Variants in NRG1 observed in about 807,000 individuals in gnomAD.
NRG1 encodes the protein pro-neuregulin-1, membrane-bound isoform.
In NRG1, 18 loss-of-function variants were observed where a neutral mutation model predicts 63.8. The observed-to-expected ratio is 0.28, with a 90% CI of 0.19 to 0.42. NRG1 has a LOEUF of 0.42. Ranked by LOEUF, NRG1 falls within the 10% of genes least tolerant of loss-of-function variation. The probability of loss-of-function intolerance (pLI) is 1.00; values close to 1 mark genes in which losing one functional copy is unlikely to be tolerated. For missense variants in NRG1, 762 were observed against 814.7 expected (o/e 0.94, Z 0.79); for synonymous variants, 302 against 301.3 (o/e 1.00, Z -0.02).
intron 1 of NRG1, among the ~76,000 whole-genome samples, chr8:31,704,930 A>G (rs904784320): frequency 6.6e-6 from 1 of 151,948 alleles, no homozygotes; most frequent in Non-Finnish European, 1.5e-5. Context: ...ATACATACAT[A>G]TTTCTAATTC....
chr8:32,048,436 T>C (rs1313162775), intron 1 of NRG1, among the ~76,000 whole-genome samples: 2 of 8,088 alleles, frequency 2.5e-4, no homozygotes, highest in African/African-American at 4.1e-4. Context: ...TATGTACACA[T>C]ATATACATAC....
At chr8:32,018,506 C>T (rs1815921010) in intron 1 of NRG1, among the ~76,000 whole-genome samples, 1 of 152,076 alleles carries the variant, frequency 6.6e-6, no homozygotes, top group Non-Finnish European at 1.5e-5. Context: ...GTTTATGAGC[C>T]AAAAATAGAT....
chr8:32,344,373 TC>T (rs1563338143), intron 1 of NRG1, among the ~76,000 whole-genome samples: 3 of 32,946 alleles, frequency 9.1e-5, no homozygotes, highest in Non-Finnish European at 2.0e-4. Context: ...TTTCTTTCTT[TC>T]TTTCTTTCTC....
At chr8:31,851,102 G>C (rs1827169760) in intron 1 of NRG1, among the ~76,000 whole-genome samples, 1 of 152,196 alleles carries the variant, frequency 6.6e-6, no homozygotes, top group Non-Finnish European at 1.5e-5. Flanking sequence ...TAGGACATCT[G>C]TGGAGATTAA....
At chr8:32,602,610 T>C (rs1844573419) in intron 2 of NRG1, among the ~76,000 whole-genome samples, 1 of 152,158 alleles carries the variant, frequency 6.6e-6, no homozygotes, top group South Asian at 2.1e-4. Flanking sequence ...TAAGAAAAGC[T>C]ACAGTTTTCT....
Position 31,692,246 on chromosome 8 carries a change from A to G in NRG1, c.37+52815A>G, listed in dbSNP as rs1052748932. On this transcript the variant is annotated intron_variant, in intron 1 of 10. Transcript: ENST00000519301. Reference sequence around the variant, plus strand: ...CATAATGAGTCATAGAAGAATTTCTAAAGTCAACTTGGTAAAATGTACTGA... The same window carrying G: ...CATAATGAGTCATAGAAGAATTTCTGAAGTCAACTTGGTAAAATGTACTGA... 5.3e-5 allele frequency among the ~76,000 whole-genome samples: 8 copies of G among 152,354 alleles called. No individual in the cohort carries two copies. In the South Asian group the frequency reaches 1.2e-3, roughly 24 times the overall value.
At chr8:32,239,974 C>G (rs1274369286) in intron 1 of NRG1, among the ~76,000 whole-genome samples, 1 of 152,132 alleles carries the variant, frequency 6.6e-6, no homozygotes, top group Non-Finnish European at 1.5e-5. Context: ...TAAAATGGTA[C>G]ACTCTGTAAA....
exon 10 of NRG1, chr8:32,759,375 A>G: frequency 1.2e-6 from 2 of 1,613,920 alleles, no homozygotes; most frequent in Non-Finnish European, 1.7e-6. Flanking sequence ...ATCCTTTTCC[A>G]CCAGTCACTA....
chr8:32,458,145 T>C (rs1266604265), intron 1 of NRG1, among the ~76,000 whole-genome samples: 2 of 152,074 alleles, frequency 1.3e-5, no homozygotes, highest in South Asian at 4.1e-4. Context: ...CTCGATCTCT[T>C]GACTTCGTGA....
intron 1 of NRG1, among the ~76,000 whole-genome samples, chr8:32,386,822 C>A (rs1436017441): frequency 1.3e-5 from 2 of 152,144 alleles, no homozygotes; most frequent in African/African-American, 4.8e-5. Flanking sequence ...ATGCAGATAC[C>A]AAATTTTACA....
chr8:31,926,914 C>T (rs999939672), intron 1 of NRG1, among the ~76,000 whole-genome samples: 1 of 152,174 alleles, frequency 6.6e-6, no homozygotes. Context: ...TTCCAGTAAC[C>T]TGACCACTCT....
intron 6 of NRG1, 112 bp downstream of exon 6, chr8:32,728,190 A>G (rs1290599976): frequency 6.5e-7 from 1 of 1,544,288 alleles, no homozygotes; most frequent in Non-Finnish European, 8.7e-7. Context: ...ATCATGTTGA[A>G]TAATGCTGTT....
intron 2 of NRG1, among the ~76,000 whole-genome samples, chr8:32,599,586 G>A (rs1843960183): frequency 6.6e-6 from 1 of 152,150 alleles, no homozygotes; most frequent in Non-Finnish European, 1.5e-5. Context: ...GCTAACCCAT[G>A]TGTGGGGCCA....
At chr8:31,860,721 A>C (rs1276102574) in intron 1 of NRG1, among the ~76,000 whole-genome samples, 2 of 152,180 alleles carry the variant, frequency 1.3e-5, no homozygotes, top group African/African-American at 2.4e-5. Flanking sequence ...TAGGTAATTT[A>C]AGGCAAAGAT....
chr8:32,332,778 T>G, intron 1 of NRG1, among the ~76,000 whole-genome samples: 1 of 152,200 alleles, frequency 6.6e-6, no homozygotes, highest in Non-Finnish European at 1.5e-5. Flanking sequence ...CACCAGACCG[T>G]GAGGCCTCTC....
intron 1 of NRG1, among the ~76,000 whole-genome samples, chr8:31,871,055 C>A (rs1829436968): frequency 6.6e-6 from 1 of 150,902 alleles, no homozygotes; most frequent in Non-Finnish European, 1.5e-5. Context: ...AGGCTCCCTG[C>A]AATTTCTACC....
chr8:32,136,288 G>A (rs11990289), intron 1 of NRG1, among the ~76,000 whole-genome samples: 1 of 152,108 alleles, frequency 6.6e-6, no homozygotes, highest in African/African-American at 2.4e-5. Flanking sequence ...ACCTCTTGCA[G>A]GTACTGTTGT....
chr8:32,616,024 G>A (rs1320915763), intron 4 of NRG1, among the ~76,000 whole-genome samples: 2 of 152,018 alleles, frequency 1.3e-5, no homozygotes, highest in African/African-American at 2.4e-5. Context: ...TTGGGAAATT[G>A]ACTATAACTA....
intron 1 of NRG1, among the ~76,000 whole-genome samples, chr8:31,780,940 C>T (rs1301445905): frequency 2.6e-5 from 4 of 152,124 alleles, no homozygotes; most frequent in Admixed American, 6.6e-5. Flanking sequence ...AATATTCTAC[C>T]GACAATTGAG....
Sources: allele counts gnomAD v4.1 joint callset (sites outside exome capture counted in the v4.1 genomes callset), GRCh38; gene constraint gnomAD v4.1.1; transcripts MANE v1.5; gene names NCBI Gene and HGNC (gene_info 2026-07-23, HGNC 2026-07-21).